Variants in LAMTOR4 observed in about 807,000 individuals in gnomAD.
LAMTOR4 encodes late endosomal/lysosomal adaptor, MAPK and MTOR activator 4, also known as ragulator complex protein LAMTOR4.
Under a neutral mutation model 13.5 loss-of-function variants are expected in LAMTOR4, and 11 were observed. The ratio of observed to expected loss-of-function variants is 0.82; its 90% CI spans 0.51 to 1.35. The LOEUF is 1.35. Ranked by LOEUF, LAMTOR4 falls within the 40% of genes most tolerant of loss-of-function variation. The pLI, the probability that LAMTOR4 is intolerant of heterozygous loss-of-function variation, is 0.00. For missense variants in LAMTOR4, 128 were observed against 126.2 expected (o/e 1.01, Z -0.07); for synonymous variants, 69 against 52.3 (o/e 1.32, Z -1.38).
chr7:100,149,132 A>G (rs1798618119), intron 1 of LAMTOR4, 157 bp downstream of exon 1: 1 of 958,826 alleles, frequency 1.0e-6, no homozygotes, highest in African/African-American at 1.6e-5. Flanking sequence ...GGCGACGAGA[A>G]TGCTGGGGAG....
At chr7:100,149,459 C>T in intron 1 of LAMTOR4, 40 bp from the exon 2 acceptor site, 1 of 1,416,714 alleles carries the variant, frequency 7.1e-7, no homozygotes, top group Non-Finnish European at 1.0e-6. Context: ...CCGTCCATCC[C>T]TCTAGCATGC....
chr7:100,149,936 C>T (rs1406725372), intron 2 of LAMTOR4: 2 of 170,004 alleles, frequency 1.2e-5, no homozygotes, highest in Admixed American at 1.2e-4. Context: ...CCACCATGCT[C>T]TGCTAATTTT....
chr7:100,151,133 G>A (rs1354269061), intron 2 of LAMTOR4, among the ~76,000 whole-genome samples: 1 of 151,680 alleles, frequency 6.6e-6, no homozygotes, highest in African/African-American at 2.4e-5. Context: ...GGAGTGCAGT[G>A]GCATGATCTC....
In LAMTOR4 at chr7:100,153,379, CCCT is replaced by C; in HGVS notation, c.85-15_85-13del. On this transcript the variant is annotated intron_variant, in intron 2 of 3. Transcript: ENST00000341942. ...CCTGTGCCGTAATGCCCGCCCCTCTCCCTCCTCCGTCTGCATGCAGTCATCTGG... is the reference window on the plus strand; with the variant it reads ...CCTGTGCCGTAATGCCCGCCCCTCTCCCTCCGTCTGCATGCAGTCATCTGG... 1 of 1,552,664 alleles carries C rather than the reference CCCT, an allele frequency of 6.4e-7. No homozygotes were observed. The highest frequency in any genetic ancestry group is 8.9e-7 in the Non-Finnish European group (1 of 1,128,052).
chr7:100,153,557 C>T (rs373505176), intron 3 of LAMTOR4, 40 bp downstream of exon 3: 23 of 1,529,064 alleles, frequency 1.5e-5, no homozygotes, highest in African/African-American at 2.7e-5. Context: ...GTACTGGGAG[C>T]GGGGGGCTAC....
In LAMTOR4 at chr7:100,149,581, T is replaced by G. The variant is rs779291034; in HGVS notation, c.84+2T>G. The G allele has an allele frequency of 5.6e-6, 9 of 1,612,838 alleles. No individual in the cohort carries two copies. Among genetic ancestry groups the G allele is most frequent in the Non-Finnish European group, 7.6e-6 (9 of 1,179,154 alleles). On this transcript the variant is annotated splice_donor_variant, in intron 2 of 3. Transcript: ENST00000341942. LOFTEE classifies it high-confidence loss of function. ...CTGAGTGAAGGTGCAGTGCTGGCGGTGCGTTCTGGGAAAGGGAGGGGGTCC... is the reference window on the plus strand; with the variant it reads ...CTGAGTGAAGGTGCAGTGCTGGCGGGGCGTTCTGGGAAAGGGAGGGGGTCC...
intron 2 of LAMTOR4, among the ~76,000 whole-genome samples, chr7:100,151,380 T>TTTTTTG (rs1040902886): frequency 6.6e-6 from 1 of 150,670 alleles, no homozygotes; most frequent in Non-Finnish European, 1.5e-5. Flanking sequence ...CCCGGCCTGT[T>TTTTTTG]TTTTTGTTTT....
At chr7:100,151,054 G>A (rs548746111) in intron 2 of LAMTOR4, among the ~76,000 whole-genome samples, 2 of 151,700 alleles carry the variant, frequency 1.3e-5, no homozygotes, top group Admixed American at 1.3e-4. Context: ...AGCAAGGAGA[G>A]AAGAGTTTTG....
chr7:100,152,765 G>A (rs1798743957), intron 2 of LAMTOR4: 1 of 152,646 alleles, frequency 6.6e-6, no homozygotes, highest in Admixed American at 6.5e-5. Flanking sequence ...CAGGTAAGTG[G>A]TGGGCAGGCA....
At chr7:100,149,655 C>T (rs1356951508) in intron 2 of LAMTOR4, 76 bp downstream of exon 2, 1 of 1,138,408 alleles carries the variant, frequency 8.8e-7, no homozygotes, top group Non-Finnish European at 1.3e-6. Context: ...CCCTTCTTTT[C>T]TCGGCTTTTA....
intron 2 of LAMTOR4, 103 bp downstream of exon 2, chr7:100,149,682 G>A: frequency 1.2e-6 from 1 of 858,102 alleles, no homozygotes; most frequent in Non-Finnish European, 2.0e-6. Context: ...TTCCTGCCTG[G>A]CATCTATTAG....
At chr7:100,153,369 C>T in intron 2 of LAMTOR4, 31 bp from the exon 3 acceptor site, 2 of 1,482,670 alleles carry the variant, frequency 1.3e-6, no homozygotes, top group Non-Finnish European at 9.4e-7. Context: ...GCCGTAATGC[C>T]CGCCCCTCTC....
chr7:100,150,990 A>G (rs564854272), intron 2 of LAMTOR4, among the ~76,000 whole-genome samples: 1 of 151,666 alleles, frequency 6.6e-6, no homozygotes, highest in Admixed American at 6.6e-5. Context: ...CTCCGTCTCA[A>G]AAAAAACAAA....
rs564622176 is a variant in LAMTOR4 at position 100,153,170 on chromosome 7, A to G, written c.85-230A>G. The stretch of plus-strand genomic sequence containing the variant: ...AAAAAGAAAAAAAAAAAAAAGATGG[A>G]TAAGTTACTGCTCATCCGGGGAAGG... On this transcript the variant is annotated intron_variant, in intron 2 of 3. Transcript: ENST00000341942. 1.1e-4 allele frequency among the ~76,000 whole-genome samples: 16 copies of G among 151,332 alleles called. No individual in the cohort carries two copies. In the South Asian group the frequency reaches 3.1e-3, roughly 30 times the overall value.
In LAMTOR4 at chr7:100,154,089, C is replaced by A; in HGVS notation, c.*125C>A. 1 of 731,414 alleles carries A rather than the reference C, an allele frequency of 1.4e-6. No homozygotes were observed. Among genetic ancestry groups the A allele is most frequent in the South Asian group, 1.6e-5 (1 of 61,168 alleles). The allele number at this position is 731,414 out of a possible 1,614,324, so 45.3% of individuals were successfully genotyped here. ...CCTTCTGCTCGCCCACCTCCCACCCCTACCTGGACGGGCCCAGGCTTGGGG... is the reference window on the plus strand; with the variant it reads ...CCTTCTGCTCGCCCACCTCCCACCCATACCTGGACGGGCCCAGGCTTGGGG... On this transcript the variant is annotated 3_prime_UTR_variant, in exon 4 of 4. Transcript: ENST00000341942.
At chr7:100,149,420 ACT>A in intron 1 of LAMTOR4, 77 bp from the exon 2 acceptor site, 1 of 960,394 alleles carries the variant, frequency 1.0e-6, no homozygotes, top group Non-Finnish European at 1.7e-6. Flanking sequence ...CAACCCAGAG[ACT>A]TGGGTTTGCA....
chr7:100,149,155 G>T (rs1798619502), intron 1 of LAMTOR4, 180 bp downstream of exon 1: 3 of 757,338 alleles, frequency 4.0e-6, no homozygotes, highest in African/African-American at 1.8e-5. Flanking sequence ...GTCTGTGGGA[G>T]GGTGTTCTGG....
In LAMTOR4 at chr7:100,153,414, G is replaced by A; in HGVS notation, c.99G>A (p.Leu33=). 6.2e-7 allele frequency: 1 copy of A among 1,610,946 alleles called. No homozygotes were observed. The highest frequency in any genetic ancestry group is 1.3e-5 in the African/African-American group (1 of 75,036). ...TCTGCATGCAGTCATCTGGGGACCT[G>A]GAGAATGATGAGCAGGCAGCCAGTG... is the stretch of plus-strand genomic sequence containing the variant. ...EGAVLASSGD[L]ENDEQAASAI... is the part of the protein sequence containing the mutation. Residue 33 remains leucine (L), a synonymous_variant, in exon 3 of 4, where the codon CTG becomes CTA. Coordinates refer to ENST00000341942, the MANE Select transcript of LAMTOR4 (RefSeq NM_001008395.4).
chr7:100,152,401 C>A (rs1237421866), intron 2 of LAMTOR4, among the ~76,000 whole-genome samples: 3 of 109,680 alleles, frequency 2.7e-5, no homozygotes, highest in African/African-American at 1.1e-4. Context: ...GACTCTGTCT[C>A]AAAAAACAAA....
Sources: allele counts gnomAD v4.1 joint callset (sites outside exome capture counted in the v4.1 genomes callset), GRCh38; gene constraint gnomAD v4.1.1; transcripts MANE v1.5; gene names NCBI Gene and HGNC (gene_info 2026-07-23, HGNC 2026-07-21).